DSCAML1: variants seen among roughly 807,000 people sequenced by gnomAD.
The protein encoded by DSCAML1 is cell adhesion molecule DSCAML1.
DSCAML1 carries 38 observed loss-of-function variants against 200.5 expected under a neutral mutation model. The observed-to-expected ratio is 0.19, with a 90% CI of 0.15 to 0.25. The LOEUF (loss-of-function observed/expected upper bound fraction) is 0.25. Among genes scored for constraint, DSCAML1 ranks in the 10% least tolerant of loss-of-function variants. DSCAML1 has a pLI of 1.00. For missense variants in DSCAML1, 2,223 were observed against 2,858.8 expected, an observed-to-expected ratio of 0.78 and a Z score of 5.07; for synonymous variants, 1,215 against 1,165.0, an observed-to-expected ratio of 1.04 and a Z score of -0.87.
intron 3 of DSCAML1, among the ~76,000 whole-genome samples, chr11:117,578,435 C>T (rs925846632): frequency 1.3e-5 from 2 of 151,930 alleles, no homozygotes; most frequent in Non-Finnish European, 1.5e-5. Flanking sequence ...CTTTGGGGGT[C>T]GAAGGCAGGA....
At chr11:117,485,315 G>A (rs1592651449) in intron 11 of DSCAML1, among the ~76,000 whole-genome samples, 1 of 152,312 alleles carries the variant, frequency 6.6e-6, no homozygotes, top group African/African-American at 2.4e-5. Context: ...GCCCTTCTGT[G>A]TGTGGTAACA....
chr11:117,662,748 C>A (rs1392559960), intron 3 of DSCAML1, among the ~76,000 whole-genome samples: 1 of 152,196 alleles, frequency 6.6e-6, no homozygotes, highest in East Asian at 1.9e-4. Flanking sequence ...GAATGCAGCT[C>A]TTAAATAGGG....
At chr11:117,792,887 G>C (rs1325305631) in intron 1 of DSCAML1, among the ~76,000 whole-genome samples, 1 of 152,220 alleles carries the variant, frequency 6.6e-6, no homozygotes, top group African/African-American at 2.4e-5. Context: ...CAGTGCCACT[G>C]TCTGTCCTTG....
chr11:117,450,812 G>T, intron 19 of DSCAML1, 124 bp from the exon 20 acceptor site: 1 of 1,196,746 alleles, frequency 8.4e-7, no homozygotes, highest in Non-Finnish European at 1.1e-6. Flanking sequence ...GCATCCTTGA[G>T]CTGTGGTTTA....
At chr11:117,526,349 G>T (rs1445261543) in intron 4 of DSCAML1, among the ~76,000 whole-genome samples, 1 of 152,070 alleles carries the variant, frequency 6.6e-6, no homozygotes, top group East Asian at 1.9e-4. Flanking sequence ...GGTCACCTGG[G>T]TCACCTGGAT....
chr11:117,674,048 C>A (rs1279630508), intron 3 of DSCAML1, among the ~76,000 whole-genome samples: 1 of 152,196 alleles, frequency 6.6e-6, no homozygotes, highest in Non-Finnish European at 1.5e-5. Flanking sequence ...CCCTCGATCC[C>A]CGCACCTTGC....
At chr11:117,616,934 A>G (rs1028419195) in intron 3 of DSCAML1, among the ~76,000 whole-genome samples, 1 of 152,244 alleles carries the variant, frequency 6.6e-6, no homozygotes, top group African/African-American at 2.4e-5. Flanking sequence ...CGTGTAACAG[A>G]TAAGAGGAAA....
At chr11:117,533,026 G>C (rs940039150) in intron 3 of DSCAML1, among the ~76,000 whole-genome samples, 3 of 151,754 alleles carry the variant, frequency 2.0e-5, no homozygotes, top group Non-Finnish European at 2.9e-5. Flanking sequence ...GGTAGTCCCA[G>C]ATACTTGGGA....
chr11:117,640,943 C>T lies in DSCAML1; in HGVS notation c.512-108421G>A, dbSNP rs1238967923. On this transcript the variant is annotated intron_variant, in intron 3 of 32. Transcript: ENST00000651296. ...CATATATGTCCATGAGCACATATGT[C>T]TGTGCTCAACCAAAATAATACAAAG... is the stretch of plus-strand genomic sequence containing the variant. 3.3e-5 allele frequency among the ~76,000 whole-genome samples: 5 copies of T among 152,310 alleles called. No individual in the cohort carries two copies. The South Asian group carries it at 1.0e-3, about 32-fold the overall frequency.
At chr11:117,747,790 C>T (rs2137858953) in intron 3 of DSCAML1, among the ~76,000 whole-genome samples, 1 of 152,278 alleles carries the variant, frequency 6.6e-6, no homozygotes, top group African/African-American at 2.4e-5. Flanking sequence ...GGATGCAGTG[C>T]TGTGTGGGGC....
At chr11:117,808,491 A>G (rs139571838) in intron 1 of DSCAML1, among the ~76,000 whole-genome samples, 1,712 of 152,040 alleles carry the variant, frequency 0.011, 15 homozygotes, top group Non-Finnish European at 0.019. Context: ...CCACACAACT[A>G]CACATGCACA....
intron 3 of DSCAML1, among the ~76,000 whole-genome samples, chr11:117,683,044 CCATT>C (rs555590897): frequency 6.6e-6 from 1 of 152,212 alleles, no homozygotes; most frequent in African/African-American, 2.4e-5. Context: ...ACTCATTCAT[CCATT>C]CATTCATTCA....
At chr11:117,519,850 A>AAGAC (rs913667424) in intron 6 of DSCAML1, among the ~76,000 whole-genome samples, 5 of 152,134 alleles carry the variant, frequency 3.3e-5, no homozygotes, top group African/African-American at 1.2e-4. Flanking sequence ...AACAAAAAGG[A>AAGAC]AGACAAATGT....
rs191078646 is a variant in DSCAML1, at chr11:117,811,795, G to A, written c.-250+5595C>T. Among the ~76,000 whole-genome samples, 156 of 152,274 alleles carry A rather than the reference G, an allele frequency of 1.0e-3. 1 individual carries two copies. The highest frequency in any genetic ancestry group is 3.4e-3 in the Middle Eastern group (1 of 292). On this transcript the variant is annotated intron_variant, in intron 1 of 2. Transcript: ENST00000525836. ...AGCCCCGTAGACCATCGCGGATGCC[G>A]AGCTTTAAGTAACTCTCACAGTGGA...
chr11:117,600,816 A>G (rs1455080888), intron 3 of DSCAML1, among the ~76,000 whole-genome samples: 1 of 152,054 alleles, frequency 6.6e-6, no homozygotes, highest in East Asian at 1.9e-4. Context: ...AAGGGCCCAG[A>G]ACCTTTCCTT....
At chr11:117,467,207 C>A (rs1335206290) in intron 16 of DSCAML1, among the ~76,000 whole-genome samples, 8 of 140,536 alleles carry the variant, frequency 5.7e-5, no homozygotes, top group Non-Finnish European at 1.1e-4. Context: ...CCCCCCTCCC[C>A]CCGCCGCCAA....
chr11:117,810,022 T>C (rs914529813), intron 1 of DSCAML1, among the ~76,000 whole-genome samples: 3 of 150,768 alleles, frequency 2.0e-5, no homozygotes, highest in Non-Finnish European at 4.4e-5. Context: ...CTCACACATA[T>C]TCAAATATTT....
Position 117,463,679 on chromosome 11 carries a change from G to T in DSCAML1, c.3265+1263C>A, listed in dbSNP as rs1371530517. ...ATGGAGAGGGATAGCGAGGGCCATG[G>T]GCTGAGGGCTTGGTTGTGGTGCGGC... On this transcript the variant is annotated intron_variant, in intron 17 of 32. Coordinates refer to ENST00000651296, the MANE Select transcript of DSCAML1 (RefSeq NM_020693.4). This position sits in a 1 kb window ranked among gnomAD's most constrained non-coding sequence, Gnocchi z 4.0. 6.6e-6 allele frequency among the ~76,000 whole-genome samples: 1 copy of T among 152,170 alleles called. No homozygotes were observed. The highest frequency in any genetic ancestry group is 1.5e-5 in the Non-Finnish European group (1 of 68,026).
chr11:117,521,489 G>C, intron 5 of DSCAML1, 84 bp from the exon 6 acceptor site: 1 of 1,414,788 alleles, frequency 7.1e-7, no homozygotes, highest in Non-Finnish European at 9.6e-7. Context: ...AGTGTAGCTG[G>C]GGGTAGTTAG....
Sources: gnomAD v4.1 joint callset for allele counts (sites outside exome capture counted in the v4.1 genomes callset) on GRCh38, gnomAD v4.1.1 for gene constraint, Gnocchi (gnomAD v3.1) non-coding constraint, MANE v1.5 for transcripts, NCBI Gene and HGNC (gene_info 2026-07-23, HGNC 2026-07-21) for gene names.